The following ADAMTS20 variants were observed in gnomAD, a reference collection of about 807,000 sequenced individuals.
The protein encoded by ADAMTS20 is ADAM metallopeptidase with thrombospondin type 1 motif 20.
Under a neutral mutation model 260.1 loss-of-function variants are expected in ADAMTS20, and 225 were observed. The observed-to-expected ratio is 0.87, with a 90% CI of 0.78 to 0.97. The LOEUF is 0.97. Ranked by LOEUF, ADAMTS20 falls within the 50% of genes least tolerant of loss-of-function variation. ADAMTS20 has a pLI of 0.00. For missense variants in ADAMTS20, 2,400 were observed against 2,337.7 expected (o/e 1.03, Z -0.55); for synonymous variants, 802 against 769.5 (o/e 1.04, Z -0.70).
intron 36 of ADAMTS20, among the ~76,000 whole-genome samples, chr12:43,372,574 G>A (rs1409873858): frequency 6.6e-6 from 1 of 152,144 alleles, no homozygotes; most frequent in Admixed American, 6.5e-5. Flanking sequence ...GAAAGGTAGA[G>A]GTCAAGATGA....
At chr12:43,409,377 C>T (rs1940980755) in intron 28 of ADAMTS20, among the ~76,000 whole-genome samples, 1 of 151,522 alleles carries the variant, frequency 6.6e-6, no homozygotes, top group African/African-American at 2.4e-5. Flanking sequence ...CCGAGACGGG[C>T]GGATCACGAG....
At chr12:43,451,517 T>C (rs572715013) in intron 14 of ADAMTS20, among the ~76,000 whole-genome samples, 1 of 152,136 alleles carries the variant, frequency 6.6e-6, no homozygotes, top group South Asian at 2.1e-4. Context: ...TTGACAACCA[T>C]CTGCTAGTCC....
In ADAMTS20 at chr12:43,439,724, G is replaced by C; in HGVS notation, c.2491C>G (p.Pro831Ala). The C allele has an allele frequency of 6.2e-7, 1 of 1,612,908 alleles. No homozygotes were observed. Among genetic ancestry groups the C allele is most frequent in the Non-Finnish European group, 8.5e-7 (1 of 1,179,394 alleles). Reference protein sequence around the residue: ...QVLCVGNLYNPDVHYSFNIPL... With the variant: ...QVLCVGNLYNADVHYSFNIPL... Reference sequence around the variant, plus strand: ...ATATTGAAGGAATAATGTACATCAGGGTTGTATAAATTACCCACACACAAC... The same window carrying C: ...ATATTGAAGGAATAATGTACATCAGCGTTGTATAAATTACCCACACACAAC... Residue 831 changes from proline (P) to alanine (A), a missense_variant, in exon 18 of 39, where the codon CCT (proline) becomes GCT (alanine). Coordinates refer to ENST00000389420, the MANE Select transcript of ADAMTS20 (RefSeq NM_025003.5).
intron 28 of ADAMTS20, among the ~76,000 whole-genome samples, chr12:43,402,631 C>T (rs1333162237): frequency 6.6e-6 from 1 of 151,984 alleles, no homozygotes; most frequent in Non-Finnish European, 1.5e-5. Context: ...ATAATACATT[C>T]TAAGTTGTAA....
At chr12:43,497,796 A>G (rs2137438943) in intron 4 of ADAMTS20, among the ~76,000 whole-genome samples, 1 of 152,236 alleles carries the variant, frequency 6.6e-6, no homozygotes, top group African/African-American at 2.4e-5. Context: ...AATTTAATGA[A>G]AGGGTTAATT....
chr12:43,363,027 C>T (rs147460623), intron 37 of ADAMTS20, among the ~76,000 whole-genome samples: 10 of 151,854 alleles, frequency 6.6e-5, no homozygotes, highest in Admixed American at 1.3e-4. Context: ...TAAATTTGTG[C>T]TACCAAGAAA....
intron 2 of ADAMTS20, among the ~76,000 whole-genome samples, chr12:43,543,976 A>G (rs960335719): frequency 2.6e-5 from 4 of 152,254 alleles, no homozygotes; most frequent in African/African-American, 7.2e-5. Flanking sequence ...TAGAAAACAC[A>G]TAACTGTACC....
chr12:43,370,357 T>C (rs942359175), intron 36 of ADAMTS20, among the ~76,000 whole-genome samples: 2 of 152,204 alleles, frequency 1.3e-5, no homozygotes, highest in Non-Finnish European at 2.9e-5. Context: ...AGGGTGGGAA[T>C]ACATACACCA....
chr12:43,391,430 A>C (rs907904267), intron 29 of ADAMTS20, among the ~76,000 whole-genome samples: 1 of 152,180 alleles, frequency 6.6e-6, no homozygotes, highest in Admixed American at 6.5e-5. Context: ...CCTGGGGATG[A>C]AGGAGGACTT....
chr12:43,459,025 A>G (rs186919068), intron 11 of ADAMTS20, among the ~76,000 whole-genome samples: 1 of 152,328 alleles, frequency 6.6e-6, no homozygotes, highest in East Asian at 1.9e-4. Context: ...TCCGGATATA[A>G]ACCCAGACAT....
At chr12:43,392,504 A>G (rs1358973642) in intron 29 of ADAMTS20, among the ~76,000 whole-genome samples, 1 of 152,134 alleles carries the variant, frequency 6.6e-6, no homozygotes, top group Admixed American at 6.5e-5. Context: ...AAAGAAAAAG[A>G]AGGGACTACT....
Position 43,376,216 on chromosome 12 carries a change from A to G in ADAMTS20, c.5220+20T>C. The G allele has an allele frequency of 6.5e-7, 1 of 1,535,998 alleles. No homozygotes were observed. Among genetic ancestry groups the G allele is most frequent in the Non-Finnish European group, 8.8e-7 (1 of 1,139,154 alleles). ...TCAATGATCAATGTTAAAATAAAAA[A>G]GGAACTGTTTTCATAATACCTTTAT... On this transcript the variant is annotated intron_variant, in intron 34 of 38. Coordinates refer to ENST00000389420, the MANE Select transcript of ADAMTS20 (RefSeq NM_025003.5).
At chr12:43,424,919 G>A (rs1281718005) in intron 28 of ADAMTS20, among the ~76,000 whole-genome samples, 2 of 151,634 alleles carry the variant, frequency 1.3e-5, no homozygotes, top group Admixed American at 1.3e-4. Flanking sequence ...AACCAAGAGG[G>A]CCAATGATAT....
Position 43,532,094 on chromosome 12 carries a change from T to A in ADAMTS20, c.555A>T (p.Ile185=). The A allele has an allele frequency of 6.2e-7, 1 of 1,612,618 alleles. No homozygotes were observed. The highest frequency in any genetic ancestry group is 8.5e-7 in the Non-Finnish European group (1 of 1,179,282). Residue 185 remains isoleucine (I), a synonymous_variant, in exon 3 of 39, where the codon ATA becomes ATT. Coordinates refer to ENST00000389420, the MANE Select transcript of ADAMTS20 (RefSeq NM_025003.5). ...AAGAGTTATTTAAGTCTTGTCTGTA[T>A]ATAAGATGTGGCTTGTTGTGACCAT... is the stretch of plus-strand genomic sequence containing the variant. ...YEDGHNKPHL[I]YRQDLNNSFL...
At chr12:43,391,074 T>A (rs1940586186) in intron 29 of ADAMTS20, among the ~76,000 whole-genome samples, 1 of 152,182 alleles carries the variant, frequency 6.6e-6, no homozygotes, top group Non-Finnish European at 1.5e-5. Context: ...GGCTGGGAAT[T>A]TCAAGATCAA....
At chr12:43,429,516 G>A (rs886442042) in intron 24 of ADAMTS20, 101 bp downstream of exon 24, 7 of 787,410 alleles carry the variant, frequency 8.9e-6, no homozygotes, top group Middle Eastern at 2.4e-4. Flanking sequence ...CAAAATACCT[G>A]AGAATAAATG....
chr12:43,375,500 T>C lies in ADAMTS20; in HGVS notation c.5325A>G (p.Pro1775=). 7 of 1,613,378 alleles carry C rather than the reference T, an allele frequency of 4.3e-6. No homozygotes were observed. Among genetic ancestry groups the C allele is most frequent in the Middle Eastern group, 1.7e-4 (1 of 6,050 alleles). ...SEVYGFRLKN[P]YQCPFNGSRR... is the part of the protein sequence containing the mutation. ...TACTCCCATTAAAAGGACATTGATATGGATTTTTTAGTCTGTAACAACATT... is the reference window on the plus strand; with the variant it reads ...TACTCCCATTAAAAGGACATTGATACGGATTTTTTAGTCTGTAACAACATT... Residue 1775 remains proline (P), a synonymous_variant, in exon 36 of 39, where the codon CCA becomes CCG. Transcript: ENST00000389420.
intron 2 of ADAMTS20, among the ~76,000 whole-genome samples, chr12:43,538,281 T>C (rs1943325127): frequency 6.6e-6 from 1 of 152,250 alleles, no homozygotes; most frequent in African/African-American, 2.4e-5. Flanking sequence ...ATGTTGAGCA[T>C]CTTTTCACAT....
chr12:43,430,425 C>G lies in ADAMTS20; in HGVS notation c.3308G>C (p.Cys1103Ser). Reference protein sequence around the residue: ...GHGYQMRDVKCVNELASAVLE... With the variant: ...GHGYQMRDVKSVNELASAVLE... ...CACTGCACTAGCTAGCTCATTGACACATTTAACATCTCGCATCTGATACCC... is the reference window on the plus strand; with the variant it reads ...CACTGCACTAGCTAGCTCATTGACAGATTTAACATCTCGCATCTGATACCC... The change falls in exon 23 of 39, where the codon TGT becomes TCT. Residue 1103 changes from cysteine to serine, a missense_variant. Transcript: ENST00000389420. The G allele has an allele frequency of 1.2e-6, 2 of 1,613,218 alleles. No homozygotes were observed. The highest frequency in any genetic ancestry group is 1.1e-5 in the South Asian group (1 of 91,004).
Sources: gnomAD v4.1 joint callset for allele counts (sites outside exome capture counted in the v4.1 genomes callset) on GRCh38, gnomAD v4.1.1 for gene constraint, MANE v1.5 for transcripts, NCBI Gene and HGNC (gene_info 2026-07-23, HGNC 2026-07-21) for gene names.